STK32B: variants seen among roughly 807,000 people sequenced by gnomAD.
The protein encoded by STK32B is serine/threonine-protein kinase 32B.
In STK32B, 43 loss-of-function variants were observed where a neutral mutation model predicts 52.6. The observed-to-expected ratio is 0.82, with a 90% CI of 0.64 to 1.05. The LOEUF (loss-of-function observed/expected upper bound fraction) is 1.05. Among genes scored for constraint, STK32B ranks in the 50% least tolerant of loss-of-function variants. The pLI, the probability that STK32B is intolerant of heterozygous loss-of-function variation, is 0.00. For missense variants in STK32B, 621 were observed against 534.6 expected (o/e 1.16, Z -1.59); for synonymous variants, 238 against 204.3 (o/e 1.17, Z -1.41).
At chr4:5,082,139 G>T (rs1322253753) in intron 1 of STK32B, among the ~76,000 whole-genome samples, 1 of 151,948 alleles carries the variant, frequency 6.6e-6, no homozygotes, top group African/African-American at 2.4e-5. Context: ...CTCCCTTGGA[G>T]GGATTTCTTA....
At chr4:5,277,480 A>G (rs1222258575) in intron 3 of STK32B, among the ~76,000 whole-genome samples, 1 of 152,210 alleles carries the variant, frequency 6.6e-6, no homozygotes, top group Non-Finnish European at 1.5e-5. Flanking sequence ...ATCAGCTAAA[A>G]TAGACATTGA....
chr4:5,154,211 CTTTTTTT>C (rs3072774), intron 2 of STK32B, among the ~76,000 whole-genome samples: 4 of 122,608 alleles, frequency 3.3e-5, no homozygotes, highest in Admixed American at 8.4e-5. Context: ...CCTTCCATGT[CTTTTTTT>C]TTTTTTTTTT....
At chr4:5,449,405 A>T (rs547987203) in intron 7 of STK32B, among the ~76,000 whole-genome samples, 3 of 152,208 alleles carry the variant, frequency 2.0e-5, no homozygotes, top group Non-Finnish European at 4.4e-5. Flanking sequence ...GTTGGAATGC[A>T]TTGAAAATAA....
intron 3 of STK32B, among the ~76,000 whole-genome samples, chr4:5,212,834 C>T (rs774905534): frequency 6.6e-6 from 1 of 152,022 alleles, no homozygotes; most frequent in Non-Finnish European, 1.5e-5. Context: ...CAAGAGATCT[C>T]GATGAGTGAG....
At chr4:5,061,816 G>A (rs1742229087) in intron 1 of STK32B, among the ~76,000 whole-genome samples, 2 of 152,156 alleles carry the variant, frequency 1.3e-5, no homozygotes, top group African/African-American at 2.4e-5. Context: ...TTCAGTGTTT[G>A]TCGCCTCCCT....
chr4:5,352,698 C>A (rs1333343254), intron 4 of STK32B, among the ~76,000 whole-genome samples: 1 of 150,168 alleles, frequency 6.7e-6, no homozygotes, highest in South Asian at 2.1e-4. Context: ...TCTAGAAAAA[C>A]CGAAAGACTG....
At chr4:5,131,487 A>C (rs1715769523) in intron 1 of STK32B, among the ~76,000 whole-genome samples, 1 of 152,094 alleles carries the variant, frequency 6.6e-6, no homozygotes, top group African/African-American at 2.4e-5. Flanking sequence ...GTACTTTCTC[A>C]TCATGTTTGA....
In STK32B at chr4:5,415,123, G is replaced by C. The variant is rs188513540; in HGVS notation, c.473-1722G>C. ...AGGGAATAGGAGGGTGCAGGAGATA[G>C]ATTTGTCCTGGCTGGAGAAGATGGG... On this transcript the variant is annotated intron_variant, in intron 5 of 11. Transcript: ENST00000282908. Among the ~76,000 whole-genome samples the C allele has an allele frequency of 1.5e-3, 230 of 152,314 alleles. 1 individual carries two copies. The highest frequency in any genetic ancestry group is 5.3e-3 in the African/African-American group (221 of 41,568).
chr4:5,386,128 C>T lies in STK32B; in HGVS notation c.435-12079C>T, dbSNP rs542874021. ...ACAGGCCCCACCCACAGCTCTTGGC[C>T]CACAGTTCCTGGCCTTTGTACTCCC... is the stretch of plus-strand genomic sequence containing the variant. On this transcript the variant is annotated intron_variant, in intron 4 of 11. Transcript: ENST00000282908. This position sits in a 1 kb window ranked among gnomAD's most constrained non-coding sequence, Gnocchi z 4.5. 6.6e-6 allele frequency among the ~76,000 whole-genome samples: 1 copy of T among 151,892 alleles called. No individual in the cohort carries two copies. Among genetic ancestry groups the T allele is most frequent in the East Asian group, 1.9e-4 (1 of 5,166 alleles).
chr4:5,133,082 G>T (rs1265644946), intron 1 of STK32B, among the ~76,000 whole-genome samples: 1 of 152,226 alleles, frequency 6.6e-6, no homozygotes, highest in Non-Finnish European at 1.5e-5. Context: ...ACAGGCATGA[G>T]CCACTGTACC....
chr4:5,184,713 A>G (rs538055621), intron 3 of STK32B, among the ~76,000 whole-genome samples: 8 of 143,472 alleles, frequency 5.6e-5, no homozygotes, highest in South Asian at 4.5e-4. Flanking sequence ...AGAAGAAGAA[A>G]AAGAAAACAA....
At chr4:5,334,355 T>C (rs1732483172) in intron 4 of STK32B, among the ~76,000 whole-genome samples, 1 of 152,132 alleles carries the variant, frequency 6.6e-6, no homozygotes. Context: ...TGAAGTTGCT[T>C]ATCAGCTTAA....
chr4:5,430,442 A>C (rs978224967), intron 6 of STK32B, among the ~76,000 whole-genome samples: 1 of 152,134 alleles, frequency 6.6e-6, no homozygotes, highest in South Asian at 2.1e-4. Context: ...CTGTCTTTCT[A>C]TTGAAATCCC....
intron 4 of STK32B, among the ~76,000 whole-genome samples, chr4:5,362,639 G>A (rs1395360224): frequency 6.6e-6 from 1 of 152,154 alleles, no homozygotes; most frequent in Non-Finnish European, 1.5e-5. Context: ...CTTGGTGAAA[G>A]CCTGACAGCC....
chr4:5,402,219 G>C (rs2109051237), intron 5 of STK32B, among the ~76,000 whole-genome samples: 1 of 152,338 alleles, frequency 6.6e-6, no homozygotes, highest in African/African-American at 2.4e-5. Context: ...ATGGCAATGG[G>C]GTGATCCAGA....
At chr4:5,354,216 A>G (rs1050914632) in intron 4 of STK32B, among the ~76,000 whole-genome samples, 1 of 152,218 alleles carries the variant, frequency 6.6e-6, no homozygotes, top group South Asian at 2.1e-4. Context: ...AGAATGGTAG[A>G]TGCCAGAGGC....
At chr4:5,197,553 C>T (rs1466311147) in intron 3 of STK32B, among the ~76,000 whole-genome samples, 1 of 152,168 alleles carries the variant, frequency 6.6e-6, no homozygotes, top group Non-Finnish European at 1.5e-5. Flanking sequence ...TTATTTATCT[C>T]CACTAAAATG....
chr4:5,268,548 TG>T (rs1727205467), intron 3 of STK32B, among the ~76,000 whole-genome samples: 1 of 114,750 alleles, frequency 8.7e-6, no homozygotes, highest in Admixed American at 8.0e-5. Context: ...GGTGTGTGTG[TG>T]TGTGTGTGTG....
At chr4:5,225,828 G>C (rs1398093168) in intron 3 of STK32B, among the ~76,000 whole-genome samples, 1 of 152,216 alleles carries the variant, frequency 6.6e-6, no homozygotes, top group Non-Finnish European at 1.5e-5. Flanking sequence ...ACATGGAAGA[G>C]GGAAATAGTT....
Sources: gnomAD v4.1 joint callset for allele counts (sites outside exome capture counted in the v4.1 genomes callset) on GRCh38, gnomAD v4.1.1 for gene constraint, Gnocchi (gnomAD v3.1) non-coding constraint, MANE v1.5 for transcripts, NCBI Gene and HGNC (gene_info 2026-07-23, HGNC 2026-07-21) for gene names.